Variants in GLRX3 observed in about 807,000 individuals in gnomAD.
GLRX3 encodes the protein glutaredoxin 3.
A neutral mutation model predicts 49.5 loss-of-function variants in GLRX3; 22 were observed. The ratio of observed to expected loss-of-function variants is 0.44; its 90% CI spans 0.32 to 0.63. The LOEUF (loss-of-function observed/expected upper bound fraction) is 0.63, where lower values mean the gene tolerates loss of function less well. Among genes scored for constraint, GLRX3 ranks in the 30% least tolerant of loss-of-function variants. The pLI is 0.05. For missense variants in GLRX3, 385 were observed against 396.3 expected (o/e 0.97, Z 0.24); for synonymous variants, 133 against 140.0 (o/e 0.95, Z 0.35).
intron 2 of GLRX3, among the ~76,000 whole-genome samples, chr10:130,153,585 G>A (rs930595449): frequency 4.6e-5 from 7 of 152,178 alleles, no homozygotes; most frequent in Admixed American, 2.0e-4. Flanking sequence ...GTTTGCTGGA[G>A]GTCCACTCCA....
At chr10:130,166,704 T>G in intron 5 of GLRX3, 25 bp downstream of exon 5, 1 of 1,454,986 alleles carries the variant, frequency 6.9e-7, no homozygotes, top group Non-Finnish European at 9.5e-7. Context: ...GTCTGTGCTT[T>G]GTAAAGAAAT....
At chr10:130,137,012 C>T (rs374056655) in intron 1 of GLRX3, among the ~76,000 whole-genome samples, 3 of 152,376 alleles carry the variant, frequency 2.0e-5, no homozygotes, top group East Asian at 3.9e-4. Context: ...TCTTCAGCCT[C>T]CCTTCAGGAA....
At position 130,136,474 on chromosome 10, in the gene GLRX3, A is replaced by G; in HGVS notation, c.54A>G (p.Ser18=). 1 of 1,266,254 alleles carries G rather than the reference A, an allele frequency of 7.9e-7. No homozygotes were observed. Among genetic ancestry groups the G allele is most frequent in the Non-Finnish European group, 1.0e-6 (1 of 999,908 alleles). The allele number at this position is 1,266,254 out of a possible 1,614,324, so 78.4% of individuals were successfully genotyped here. A position where few individuals can be genotyped will look rare whatever the true frequency, so the allele number is the denominator to read the frequency against. The part of the protein sequence containing the change: ...AAVAAVEEVG[S]AGQFEELLRL... Reference sequence around the variant, plus strand: ...TAGCGGCCGTGGAGGAGGTCGGCTCAGCCGGGCAGTTTGAGGAGCTGCTGC... The same window carrying G: ...TAGCGGCCGTGGAGGAGGTCGGCTCGGCCGGGCAGTTTGAGGAGCTGCTGC... The change falls in exon 1 of 11, where the codon TCA becomes TCG. Residue 18 remains serine (S), a synonymous_variant. Transcript: ENST00000331244.
chr10:130,144,011 T>C (rs939858215), intron 1 of GLRX3, among the ~76,000 whole-genome samples: 3 of 152,106 alleles, frequency 2.0e-5, no homozygotes, highest in African/African-American at 4.8e-5. Context: ...GAAAAATCTT[T>C]TGTAGCATAA....
At chr10:130,165,484 A>G (rs1467557248) in intron 4 of GLRX3, among the ~76,000 whole-genome samples, 2 of 152,228 alleles carry the variant, frequency 1.3e-5, no homozygotes, top group Non-Finnish European at 2.9e-5. Context: ...GCTATAGTGT[A>G]GTAAAAAAAT....
chr10:130,153,713 G>GC (rs1217116936), intron 2 of GLRX3, among the ~76,000 whole-genome samples: 1 of 151,958 alleles, frequency 6.6e-6, no homozygotes, highest in Non-Finnish European at 1.5e-5. Flanking sequence ...GTGTCTGTCG[G>GC]CCCCTACTGG....
At position 130,166,990 on chromosome 10, in the gene GLRX3, T is replaced by C. The variant is rs1862704340; in HGVS notation, c.713+10T>C. On this transcript the variant is annotated intron_variant, in intron 6 of 10. Transcript: ENST00000331244. ...CCAAATTAGAGGAAAGGTAAGTGTTTTAGAAGGTTTCAAATAGCCTATCAT... is the reference window on the plus strand; with the variant it reads ...CCAAATTAGAGGAAAGGTAAGTGTTCTAGAAGGTTTCAAATAGCCTATCAT... 6 of 1,502,492 alleles carry C rather than the reference T, an allele frequency of 4.0e-6. No homozygotes were observed. Among genetic ancestry groups the C allele is most frequent in the Non-Finnish European group, 9.1e-7 (1 of 1,094,896 alleles). 93.1% of individuals were successfully genotyped at this position (1,502,492 alleles called of 1,614,324 possible).
chr10:130,156,351 C>T (rs1862470725), intron 2 of GLRX3, among the ~76,000 whole-genome samples: 2 of 152,194 alleles, frequency 1.3e-5, no homozygotes, highest in Admixed American at 1.3e-4. Context: ...CCGTCTTGGC[C>T]TAATCACCTC....
At chr10:130,143,610 C>G (rs1411679528) in intron 1 of GLRX3, among the ~76,000 whole-genome samples, 1 of 152,004 alleles carries the variant, frequency 6.6e-6, no homozygotes, top group East Asian at 1.9e-4. Flanking sequence ...CTCACTACAG[C>G]CTCGACCCCC....
intron 7 of GLRX3, 150 bp from the exon 8 acceptor site, chr10:130,171,434 A>G (rs1862806082): frequency 1.6e-6 from 1 of 621,338 alleles, no homozygotes; most frequent in Non-Finnish European, 2.9e-6. Context: ...TCGTACTTGA[A>G]GAGGGGATGA....
intron 4 of GLRX3, among the ~76,000 whole-genome samples, chr10:130,164,110 G>A (rs1862635725): frequency 6.6e-6 from 1 of 152,128 alleles, no homozygotes; most frequent in African/African-American, 2.4e-5. Context: ...CCCCTGCACA[G>A]GTCATGTCTC....
intron 2 of GLRX3, among the ~76,000 whole-genome samples, chr10:130,154,672 C>T (rs1019288693): frequency 6.6e-6 from 1 of 151,946 alleles, no homozygotes; most frequent in African/African-American, 2.4e-5. Context: ...CTTAGTCTTG[C>T]AGCTCAGTGC....
intron 4 of GLRX3, among the ~76,000 whole-genome samples, chr10:130,163,199 C>A (rs915470028): frequency 6.6e-6 from 1 of 152,116 alleles, no homozygotes; most frequent in East Asian, 1.9e-4. Flanking sequence ...CTGAGGTGGG[C>A]GGATCGCTTG....
intron 2 of GLRX3, among the ~76,000 whole-genome samples, chr10:130,151,898 A>G (rs191067943): frequency 2.0e-5 from 3 of 152,168 alleles, no homozygotes; most frequent in Non-Finnish European, 2.9e-5. Flanking sequence ...TGCACATGAG[A>G]TGGGTCTCCT....
At chr10:130,140,697 C>T (rs73389569) in intron 1 of GLRX3, among the ~76,000 whole-genome samples, 7,722 of 152,112 alleles carry the variant, frequency 0.051, 409 homozygotes, top group African/African-American at 0.13. Flanking sequence ...CTTATTTGGG[C>T]TCATACTATT....
intron 2 of GLRX3, among the ~76,000 whole-genome samples, chr10:130,156,333 G>A (rs11017109): frequency 0.1 from 15,235 of 152,232 alleles, 787 homozygotes; most frequent in Middle Eastern, 0.13. Flanking sequence ...CCATCCATGA[G>A]GGCATAGCCG....
At chr10:130,146,649 C>CTTG (rs1862275886) in intron 2 of GLRX3, among the ~76,000 whole-genome samples, 1 of 152,094 alleles carries the variant, frequency 6.6e-6, no homozygotes, top group African/African-American at 2.4e-5. Flanking sequence ...GGAGGTGCAC[C>CTTG]TTGTATTCCC....
intron 1 of GLRX3, among the ~76,000 whole-genome samples, chr10:130,142,925 CCT>C (rs1564986944): frequency 1.3e-5 from 2 of 152,216 alleles, no homozygotes; most frequent in African/African-American, 4.8e-5. Context: ...CCTCGGGTCT[CCT>C]CTGTGTCCCT....
chr10:130,165,380 T>C (rs1162083267), intron 4 of GLRX3, among the ~76,000 whole-genome samples: 2 of 152,130 alleles, frequency 1.3e-5, no homozygotes, highest in African/African-American at 4.8e-5. Context: ...ACTCTTATTC[T>C]TCAGTTATAA....
Sources: gnomAD v4.1 joint callset for allele counts (sites outside exome capture counted in the v4.1 genomes callset) on GRCh38, gnomAD v4.1.1 for gene constraint, MANE v1.5 for transcripts, NCBI Gene and HGNC (gene_info 2026-07-23, HGNC 2026-07-21) for gene names.